Variants in PCCA observed in about 807,000 individuals in gnomAD.
PCCA encodes the protein propionyl-CoA carboxylase alpha chain, mitochondrial.
A neutral mutation model predicts 101.3 loss-of-function variants in PCCA; 74 were observed. The ratio of observed to expected loss-of-function variants is 0.73; its 90% CI spans 0.61 to 0.89. The LOEUF (loss-of-function observed/expected upper bound fraction) is 0.89. Ranked by LOEUF, PCCA falls within the 40% of genes least tolerant of loss-of-function variation. PCCA has a pLI of 0.00. For synonymous variants in PCCA, 294 were observed against 313.6 expected, an observed-to-expected ratio of 0.94 and a Z score of 0.66; for missense variants, 891 against 907.0, an observed-to-expected ratio of 0.98 and a Z score of 0.23.
intron 2 of PCCA, among the ~76,000 whole-genome samples, chr13:100,111,355 GT>G (rs1487205619): frequency 2.6e-5 from 4 of 151,340 alleles, no homozygotes; most frequent in African/African-American, 9.7e-5. Context: ...TAGAGATGGG[GT>G]TTTACCGTGT....
intron 22 of PCCA, among the ~76,000 whole-genome samples, chr13:100,518,881 T>G (rs1386337875): frequency 3.3e-5 from 5 of 152,232 alleles, no homozygotes; most frequent in Admixed American, 2.0e-4. Flanking sequence ...ACTTCTACCT[T>G]TATGATACTC....
chr13:100,307,257 A>G lies in PCCA; in HGVS notation c.1350A>G (p.Ser450=), dbSNP rs755614638. 3.1e-5 allele frequency: 50 copies of G among 1,588,840 alleles called. No homozygotes were observed. In the South Asian group the frequency reaches 5.2e-4, roughly 16 times the overall value. ...GCATTTATTATGATCCTATGATTTC[A>G]AAAGTTAGTTTAATTTCTCAATGGA... is the stretch of plus-strand genomic sequence containing the variant. ...DISIYYDPMI[S]KLITYGSDRT... Residue 450 remains serine (S), a synonymous_variant, in exon 15 of 24, where the codon TCA becomes TCG. Transcript: ENST00000376285.
At chr13:100,363,222 C>G (rs545588478) in intron 18 of PCCA, among the ~76,000 whole-genome samples, 8 of 152,172 alleles carry the variant, frequency 5.3e-5, no homozygotes, top group African/African-American at 1.9e-4. Context: ...TTTATCTTCC[C>G]TGGGAGTTGT....
chr13:100,218,390 T>G (rs981022489), intron 7 of PCCA, among the ~76,000 whole-genome samples: 5 of 151,690 alleles, frequency 3.3e-5, no homozygotes, highest in Non-Finnish European at 5.9e-5. Flanking sequence ...TTCACCATGT[T>G]AGACTGGTCT....
chr13:100,386,925 A>T (rs541469382), intron 19 of PCCA, among the ~76,000 whole-genome samples: 33 of 152,048 alleles, frequency 2.2e-4, no homozygotes, highest in African/African-American at 8.0e-4. Context: ...TGTATTACCT[A>T]TTTTTTTTAA....
chr13:100,482,378 C>T (rs749012755), intron 21 of PCCA, among the ~76,000 whole-genome samples: 7 of 152,070 alleles, frequency 4.6e-5, no homozygotes, highest in African/African-American at 9.7e-5. Flanking sequence ...GAAGAGAGGA[C>T]AGTTGATGAG....
At chr13:100,466,975 C>T (rs576251986) in intron 21 of PCCA, among the ~76,000 whole-genome samples, 26 of 152,252 alleles carry the variant, frequency 1.7e-4, no homozygotes, top group African/African-American at 5.3e-4. Context: ...GTAGGTTGGC[C>T]GGGGGACGAT....
chr13:100,346,618 G>T (rs74917207), intron 18 of PCCA, among the ~76,000 whole-genome samples: 1,819 of 152,244 alleles, frequency 0.012, 39 homozygotes, highest in African/African-American at 0.042. Context: ...AGTTTTGAGA[G>T]GATTGACTCT....
intron 9 of PCCA, among the ~76,000 whole-genome samples, chr13:100,257,882 T>C (rs1161866094): frequency 6.6e-6 from 1 of 152,210 alleles, no homozygotes; most frequent in Admixed American, 6.5e-5. Context: ...AGAAAGGGTT[T>C]TACTGTTTTA....
chr13:100,447,840 T>A (rs2080951054), intron 20 of PCCA, among the ~76,000 whole-genome samples: 1 of 152,204 alleles, frequency 6.6e-6, no homozygotes, highest in Non-Finnish European at 1.5e-5. Flanking sequence ...CCACTGTCTT[T>A]CTTATTGATC....
In PCCA at chr13:100,492,447, C is replaced by T. The variant is rs538828881; in HGVS notation, c.1900-22980C>T. On this transcript the variant is annotated intron_variant, in intron 21 of 23. Coordinates refer to ENST00000376285, the MANE Select transcript of PCCA (RefSeq NM_000282.4). ...CCGAGCCCGGTGGACTGTCTTCTCTCTAAGCAGTAAGAGACAGTGGGAACT... is the reference window on the plus strand; with the variant it reads ...CCGAGCCCGGTGGACTGTCTTCTCTTTAAGCAGTAAGAGACAGTGGGAACT... Among the ~76,000 whole-genome samples the T allele has an allele frequency of 8.7e-4, 132 of 152,088 alleles. 1 individual carries two copies. Among genetic ancestry groups the T allele is most frequent in the Non-Finnish European group, 1.2e-3 (80 of 67,980 alleles).
At chr13:100,150,782 T>C (rs1594384915) in intron 4 of PCCA, 1 of 1,586,320 alleles carries the variant, frequency 6.3e-7, no homozygotes. Flanking sequence ...GCGTCCAGCT[T>C]GCTCCTCTGC....
intron 6 of PCCA, chr13:100,160,736 G>T (rs1433984755): frequency 6.6e-6 from 1 of 152,132 alleles, no homozygotes; most frequent in Non-Finnish European, 1.5e-5. Flanking sequence ...TTAGGATGAG[G>T]CAAAGACATC....
chr13:100,335,955 A>G (rs1467779954), intron 17 of PCCA, among the ~76,000 whole-genome samples: 3 of 152,196 alleles, frequency 2.0e-5, no homozygotes, highest in Non-Finnish European at 2.9e-5. Flanking sequence ...CAGGACCTCT[A>G]TCTGCATTAT....
At chr13:100,301,286 T>C (rs1392205593) in intron 12 of PCCA, among the ~76,000 whole-genome samples, 174 bp from the exon 13 acceptor site, 2 of 152,210 alleles carry the variant, frequency 1.3e-5, no homozygotes, top group Non-Finnish European at 2.9e-5. Context: ...GATTTGTGTA[T>C]TGTGTTTATT....
rs376851915 is a variant in PCCA at position 100,394,023 on chromosome 13, T to C, written c.1746+25449T>C. Among the ~76,000 whole-genome samples, 166 of 152,344 alleles carry C rather than the reference T, an allele frequency of 1.1e-3. 6 individuals are homozygous for C. In the South Asian group the frequency reaches 0.031, roughly 29 times the overall value. On this transcript the variant is annotated intron_variant, in intron 19 of 23. Transcript: ENST00000376285. This position sits in a 1 kb window ranked among gnomAD's most constrained non-coding sequence, Gnocchi z 4.3. The stretch of plus-strand genomic sequence containing the variant: ...TTAACATTACTTTTGTGGAGCTTTG[T>C]AGTCCATAAAAATAACATTGTTGTA...
At chr13:100,419,342 G>C (rs1287839741) in intron 19 of PCCA, among the ~76,000 whole-genome samples, 8 of 151,702 alleles carry the variant, frequency 5.3e-5, no homozygotes, top group African/African-American at 1.9e-4. Context: ...TGTGGTGGTG[G>C]GCGCCTGTAA....
chr13:100,335,405 A>G (rs567764441), intron 17 of PCCA, among the ~76,000 whole-genome samples: 3 of 152,226 alleles, frequency 2.0e-5, no homozygotes, highest in Non-Finnish European at 2.9e-5. Context: ...TGACTTAGTA[A>G]CCTAAGAAAG....
chr13:100,506,384 T>TGGGGGC (rs1164102933), intron 21 of PCCA, among the ~76,000 whole-genome samples: 1 of 17,346 alleles, frequency 5.8e-5, no homozygotes, highest in Admixed American at 5.6e-4. Flanking sequence ...CGGGCGGGGG[T>TGGGGGC]GGGGGCGGGG....
Sources: allele counts gnomAD v4.1 joint callset (sites outside exome capture counted in the v4.1 genomes callset), GRCh38; gene constraint gnomAD v4.1.1; non-coding constraint Gnocchi (gnomAD v3.1); transcripts MANE v1.5; gene names NCBI Gene and HGNC (gene_info 2026-07-23, HGNC 2026-07-21).